The following KIAA2012 variants were observed in gnomAD, a reference collection of about 807,000 sequenced individuals.
KIAA2012 encodes the protein uncharacterized protein KIAA2012.
A neutral mutation model predicts 150.6 loss-of-function variants in KIAA2012; 125 were observed. The observed-to-expected ratio is 0.83, with a 90% confidence interval of 0.72 to 0.96. KIAA2012 has a LOEUF of 0.96. KIAA2012 is among the 40% of genes least tolerant of loss of function. The pLI is 0.00. For missense variants in KIAA2012, 1,219 were observed against 1,354.9 expected (o/e 0.90, Z 1.57); for synonymous variants, 462 against 504.7 (o/e 0.92, Z 1.13).
chr2:202,144,471 T>C (rs1485944741), intron 13 of KIAA2012, among the ~76,000 whole-genome samples: 9 of 152,172 alleles, frequency 5.9e-5, no homozygotes, highest in Non-Finnish European at 8.8e-5. Context: ...ATGGTGTTCA[T>C]ATCCCCGTCA....
chr2:202,073,919 T>C (rs1689263957), intron 1 of KIAA2012, among the ~76,000 whole-genome samples: 1 of 151,862 alleles, frequency 6.6e-6, no homozygotes, highest in African/African-American at 2.4e-5. Flanking sequence ...GGCCCTCATC[T>C]TTCCCCTTGT....
At chr2:202,184,660 TG>T in intron 15 of KIAA2012, 92 bp from the exon 16 acceptor site, 1 of 800,814 alleles carries the variant, frequency 1.2e-6, no homozygotes, top group Non-Finnish European at 1.9e-6. Flanking sequence ...TGCATGCCTT[TG>T]GCTACTCACC....
intron 13 of KIAA2012, among the ~76,000 whole-genome samples, chr2:202,139,575 G>A (rs1037777710): frequency 1.3e-5 from 2 of 152,154 alleles, no homozygotes; most frequent in Admixed American, 6.5e-5. Context: ...AAAGAAACGG[G>A]TTTGCTTTCA....
intron 10 of KIAA2012, among the ~76,000 whole-genome samples, chr2:202,112,694 T>C (rs139453776): frequency 4.7e-4 from 71 of 152,356 alleles, no homozygotes; most frequent in Non-Finnish European, 8.8e-4. Context: ...TTGCTTGGCA[T>C]GGGGGAAACC....
chr2:202,140,349 G>A (rs1052373504), intron 13 of KIAA2012, among the ~76,000 whole-genome samples: 4 of 152,262 alleles, frequency 2.6e-5, no homozygotes, highest in Non-Finnish European at 4.4e-5. Context: ...GGTTCCCCCC[G>A]TGAGGCTGTG....
In KIAA2012 at chr2:202,109,821, C is replaced by G. The variant is rs774713361; in HGVS notation, c.1651+32C>G. 2.3e-5 allele frequency: 34 copies of G among 1,495,472 alleles called. No individual in the cohort carries two copies. In the Admixed American group the frequency reaches 5.0e-4, roughly 22 times the overall value. The allele number at this position is 1,495,472 out of a possible 1,614,324, so 92.6% of individuals were successfully genotyped here. On this transcript the variant is annotated intron_variant, in intron 10 of 23. Coordinates refer to ENST00000498697, the MANE Select transcript of KIAA2012 (RefSeq NM_001277372.4). ...ATTCCCAGAGTGCATAGACGCCCCC[C>G]ACTGGCTTGAATGTGGCTCATTGCC...
chr2:202,140,985 T>C (rs1459266139), intron 13 of KIAA2012, among the ~76,000 whole-genome samples: 1 of 152,014 alleles, frequency 6.6e-6, no homozygotes, highest in Non-Finnish European at 1.5e-5. Flanking sequence ...ATGTCAAAGG[T>C]GGATATTCTG....
At chr2:202,156,471 A>AT (rs1281774318) in intron 14 of KIAA2012, among the ~76,000 whole-genome samples, 1 of 152,170 alleles carries the variant, frequency 6.6e-6, no homozygotes, top group Non-Finnish European at 1.5e-5. Context: ...GTTTCTGGGC[A>AT]TTTGGGATAC....
chr2:202,174,976 T>C (rs1370173480), intron 15 of KIAA2012, among the ~76,000 whole-genome samples: 1 of 152,212 alleles, frequency 6.6e-6, no homozygotes, highest in Non-Finnish European at 1.5e-5. Flanking sequence ...GAATATTCAG[T>C]CAGTTTTCAA....
intron 15 of KIAA2012, among the ~76,000 whole-genome samples, chr2:202,183,195 G>A (rs1042876088): frequency 2.6e-5 from 4 of 152,016 alleles, no homozygotes; most frequent in South Asian, 2.1e-4. Context: ...TGAGGCGGGC[G>A]GATCGCTTGA....
intron 23 of KIAA2012, among the ~76,000 whole-genome samples, chr2:202,203,273 CAGAGA>C (rs1692565133): frequency 6.6e-6 from 1 of 152,046 alleles, no homozygotes; most frequent in Non-Finnish European, 1.5e-5. Flanking sequence ...TTTTGTAATG[CAGAGA>C]AATTTATATA....
chr2:202,129,628 G>A (rs753858832), intron 12 of KIAA2012, among the ~76,000 whole-genome samples: 2 of 151,650 alleles, frequency 1.3e-5, no homozygotes, highest in South Asian at 2.1e-4. Flanking sequence ...TAGTCTTTGG[G>A]TATTTGTGGA....
At position 202,154,670 on chromosome 2, in the gene KIAA2012, C is replaced by CA. The variant is rs773975832; in HGVS notation, c.1909-2dup. ...AGTTCGGGCTTTCTGCTTCTCTTCA[C>CA]AGGGAGCCCAGCAGTCCTTGGAGGC... On this transcript the variant is annotated splice_polypyrimidine_tract_variant and splice_region_variant and intron_variant, in intron 13 of 23. Coordinates refer to ENST00000498697, the MANE Select transcript of KIAA2012 (RefSeq NM_001277372.4). 3 of 1,530,542 alleles carry CA rather than the reference C, an allele frequency of 2.0e-6. No homozygotes were observed. Among genetic ancestry groups the CA allele is most frequent in the Non-Finnish European group, 2.6e-6 (3 of 1,141,994 alleles). The allele number at this position is 1,530,542 out of a possible 1,614,324, so 94.8% of individuals were successfully genotyped here. A position where few individuals can be genotyped will look rare whatever the true frequency, so the allele number is the denominator to read the frequency against.
intron 10 of KIAA2012, among the ~76,000 whole-genome samples, chr2:202,111,185 G>C (rs780292009): frequency 2.6e-5 from 4 of 152,002 alleles, no homozygotes; most frequent in Non-Finnish European, 5.9e-5. Context: ...TCCTTATAAA[G>C]GGAGAATCTG....
chr2:202,126,321 G>A lies in KIAA2012; in HGVS notation c.1831+1039G>A, dbSNP rs150077513. Among the ~76,000 whole-genome samples, 1,193 of 152,212 alleles carry A rather than the reference G, an allele frequency of 7.8e-3. 56 individuals carry two copies. Among genetic ancestry groups the A allele is most frequent in the Admixed American group, 0.065 (997 of 15,280 alleles). On this transcript the variant is annotated intron_variant, in intron 12 of 23. Coordinates refer to ENST00000498697, the MANE Select transcript of KIAA2012 (RefSeq NM_001277372.4). ...TGAAGAAGCTGCTGTAGGAACAGGC[G>A]GGAGGCAGTGCCACAGATCAAGGGC...
intron 11 of KIAA2012, among the ~76,000 whole-genome samples, chr2:202,119,149 G>C (rs565638638): frequency 1.3e-5 from 2 of 152,134 alleles, no homozygotes; most frequent in African/African-American, 4.8e-5. Context: ...GCGGGTGCCT[G>C]TAATCCCAGC....
chr2:202,165,139 T>G, intron 14 of KIAA2012, 145 bp from the exon 15 acceptor site: 1 of 700,904 alleles, frequency 1.4e-6, no homozygotes. Flanking sequence ...TCCTGGAGAC[T>G]TAAGTAAAAA....
intron 2 of KIAA2012, among the ~76,000 whole-genome samples, chr2:202,085,843 G>A (rs1462778223): frequency 2.0e-5 from 3 of 152,102 alleles, no homozygotes; most frequent in African/African-American, 7.2e-5. Flanking sequence ...AAGCTTCTCA[G>A]TAAAGCTTCA....
rs1032655507 is a variant in KIAA2012 at position 202,099,623 on chromosome 2, T to C, written c.839T>C (p.Ile280Thr). ...EDETQAEDTS[I>T]ENHLCLYASK... The stretch of plus-strand genomic sequence containing the variant: ...TCTGTCGTTCCCTAGGACACGTCAA[T>C]AGAGAATCACCTTTGTTTATATGCT... Residue 280 changes from isoleucine (I) to threonine (T), a missense_variant, in exon 6 of 24, where the codon ATA becomes ACA. Transcript: ENST00000498697. 3 of 1,549,950 alleles carry C rather than the reference T, an allele frequency of 1.9e-6. No homozygotes were observed. The Admixed American group carries it at 5.9e-5, about 30-fold the overall frequency.
Sources: gnomAD v4.1 joint callset for allele counts (sites outside exome capture counted in the v4.1 genomes callset) on GRCh38, gnomAD v4.1.1 for gene constraint, MANE v1.5 for transcripts, NCBI Gene and HGNC (gene_info 2026-07-23, HGNC 2026-07-21) for gene names.